The following TSHZ1 variants were observed in gnomAD, a reference collection of about 807,000 sequenced individuals.
The protein encoded by TSHZ1 is teashirt zinc finger homeobox 1.
TSHZ1 carries 12 observed loss-of-function variants against 67.1 expected under a neutral mutation model. That is an observed-to-expected ratio of 0.18 (90% confidence interval 0.11 to 0.29). The LOEUF (loss-of-function observed/expected upper bound fraction) is 0.29. Ranked by LOEUF, TSHZ1 falls within the 10% of genes least tolerant of loss-of-function variation. The pLI, the probability that TSHZ1 is intolerant of heterozygous loss-of-function variation, is 1.00. For missense variants in TSHZ1, 1,305 were observed against 1,413.9 expected (o/e 0.92, Z 1.23); for synonymous variants, 632 against 622.4 (o/e 1.02, Z -0.23).
At chr18:75,239,909 C>G (rs1399240216) in intron 1 of TSHZ1, among the ~76,000 whole-genome samples, 1 of 152,148 alleles carries the variant, frequency 6.6e-6, no homozygotes, top group Non-Finnish European at 1.5e-5. Context: ...TGGGGGCAGC[C>G]CAGCATGCTT....
chr18:75,229,933 G>A lies in TSHZ1; in HGVS notation c.40+18017G>A, dbSNP rs1405848503. ...AAAATACCATCTGGAAAAGTAATCT[G>A]TTCATCATTATACATCTACTTGTGG... On this transcript the variant is annotated intron_variant, in intron 1 of 1. Transcript: ENST00000580243. 2.0e-4 allele frequency among the ~76,000 whole-genome samples: 30 copies of A among 152,196 alleles called. 1 individual carries two copies. The highest frequency in any genetic ancestry group is 2.0e-3 in the Admixed American group (30 of 15,274).
In TSHZ1 at chr18:75,211,004, G is replaced by A. The variant is rs1307609344; in HGVS notation, c.-873G>A. The A allele has an allele frequency of 3.5e-5, 1 of 28,472 alleles. No homozygotes were observed. Among genetic ancestry groups the A allele is most frequent in the Non-Finnish European group, 7.4e-5 (1 of 13,530 alleles). The allele number at this position is 28,472 out of a possible 1,614,324, so 1.8% of individuals were successfully genotyped here. On this transcript the variant is annotated 5_prime_UTR_variant, in exon 1 of 2. Coordinates refer to ENST00000580243, the MANE Select transcript of TSHZ1 (RefSeq NM_001308210.2). ...GTTGTTGCCTTTTTTTTTTCTTGGA[G>A]GGGGGGGTGCTTTTTGTGTATTTTT...
chr18:75,224,594 C>T (rs891649736), intron 1 of TSHZ1, among the ~76,000 whole-genome samples: 8 of 152,108 alleles, frequency 5.3e-5, no homozygotes, highest in African/African-American at 1.9e-4. Context: ...CCCCCCTCCC[C>T]GCAATACTCT....
chr18:75,217,445 GT>G (rs1323422052), intron 1 of TSHZ1, among the ~76,000 whole-genome samples: 2 of 151,904 alleles, frequency 1.3e-5, no homozygotes, highest in African/African-American at 4.8e-5. Flanking sequence ...TCATAGTAGT[GT>G]TTTTGTTTGT....
Position 75,211,567 on chromosome 18 carries a change from C to T in TSHZ1, c.-310C>T, listed in dbSNP as rs1330022223. 7.1e-6 allele frequency: 1 copy of T among 140,972 alleles called. No homozygotes were observed. The highest frequency in any genetic ancestry group is 1.6e-5 in the Non-Finnish European group (1 of 64,198). 8.7% of individuals were successfully genotyped at this position (140,972 alleles called of 1,614,324 possible). ...GCCGCGGGCCGGCCCGCCGAGCGCC[C>T]GCTGCTGCGCCCGCGGCCCGCGCCG... On this transcript the variant is annotated 5_prime_UTR_variant, in exon 1 of 2. Coordinates refer to ENST00000580243, the MANE Select transcript of TSHZ1 (RefSeq NM_001308210.2).
intron 1 of TSHZ1, among the ~76,000 whole-genome samples, chr18:75,223,725 C>T (rs910381669): frequency 1.3e-5 from 2 of 151,948 alleles, no homozygotes; most frequent in Non-Finnish European, 2.9e-5. Context: ...AGGCCTGATT[C>T]TCTGCAGCCC....
chr18:75,285,734 C>G lies in TSHZ1; in HGVS notation c.327C>G (p.Pro109=). 1 of 1,614,118 alleles carries G rather than the reference C, an allele frequency of 6.2e-7. No homozygotes were observed. Among genetic ancestry groups the G allele is most frequent in the Non-Finnish European group, 8.5e-7 (1 of 1,179,988 alleles). ...DPQCPDSVSY[P]QDSLAQIKAV... The stretch of plus-strand genomic sequence containing the variant: ...AGTGTCCCGACAGCGTCTCGTACCC[C>G]CAGGACAGCCTGGCACAGATCAAAG... The change falls in exon 2 of 2, where the codon CCC becomes CCG. Residue 109 remains proline (P), a synonymous_variant. Transcript: ENST00000580243.
intron 1 of TSHZ1, among the ~76,000 whole-genome samples, chr18:75,255,650 A>C (rs1249074051): frequency 6.6e-6 from 1 of 152,266 alleles, no homozygotes; most frequent in Non-Finnish European, 1.5e-5. Context: ...TAGATTGAAC[A>C]TAAATGAAAA....
chr18:75,250,580 G>A (rs939285664), intron 1 of TSHZ1, among the ~76,000 whole-genome samples: 2 of 152,236 alleles, frequency 1.3e-5, no homozygotes, highest in African/African-American at 4.8e-5. Context: ...GGTCGGCTCA[G>A]CCAGTGCCCA....
intron 1 of TSHZ1, among the ~76,000 whole-genome samples, chr18:75,275,719 G>T (rs571715772): frequency 1.3e-5 from 2 of 152,182 alleles, no homozygotes; most frequent in Non-Finnish European, 1.5e-5. Context: ...TTCCCCAGAC[G>T]TGGGGGTAAA....
At chr18:75,229,188 G>C (rs1237359340) in intron 1 of TSHZ1, among the ~76,000 whole-genome samples, 1 of 152,260 alleles carries the variant, frequency 6.6e-6, no homozygotes, top group African/African-American at 2.4e-5. Flanking sequence ...CACCCGACCT[G>C]CCGGCCCTCC....
chr18:75,246,123 C>T (rs1331119806), intron 1 of TSHZ1, among the ~76,000 whole-genome samples: 1 of 152,212 alleles, frequency 6.6e-6, no homozygotes, highest in African/African-American at 2.4e-5. Context: ...CGTTTTGCTT[C>T]TTGAAAGCCA....
At chr18:75,253,802 A>G (rs1351681519) in intron 1 of TSHZ1, among the ~76,000 whole-genome samples, 3 of 152,188 alleles carry the variant, frequency 2.0e-5, no homozygotes, top group Admixed American at 2.0e-4. Flanking sequence ...AATCTTCCTA[A>G]TTTTCTCACA....
At chr18:75,272,825 C>T (rs895993444) in intron 1 of TSHZ1, among the ~76,000 whole-genome samples, 1 of 152,102 alleles carries the variant, frequency 6.6e-6, no homozygotes, top group Non-Finnish European at 1.5e-5. Flanking sequence ...GTATTTCTAC[C>T]TTTCTCCTAT....
At position 75,287,852 on chromosome 18, in the gene TSHZ1, C is replaced by A. The variant is rs267605259; in HGVS notation, c.2445C>A (p.Ser815=). 1 of 1,614,142 alleles carries A rather than the reference C, an allele frequency of 6.2e-7. No individual in the cohort carries two copies. The highest frequency in any genetic ancestry group is 2.2e-5 in the East Asian group (1 of 44,882). The change falls in exon 2 of 2, where the codon TCC becomes TCA. Residue 815 remains serine (S), a synonymous_variant. Transcript: ENST00000580243. This position sits in a 1 kb window ranked among gnomAD's most constrained non-coding sequence, Gnocchi z 5.0. ...ACCAGCCCATTGACTTAACCAAGTC[C>A]AAGAACAAGCCGCTGGTGTCCAGCG... is the stretch of plus-strand genomic sequence containing the variant. ...NSDQPIDLTK[S]KNKPLVSSVA...
intron 1 of TSHZ1, among the ~76,000 whole-genome samples, chr18:75,274,400 G>A (rs2023591955): frequency 6.6e-6 from 1 of 152,150 alleles, no homozygotes; most frequent in Non-Finnish European, 1.5e-5. Context: ...TGGAGAAAAT[G>A]CAGAGGTGGT....
intron 1 of TSHZ1, among the ~76,000 whole-genome samples, chr18:75,273,149 A>G (rs1434333688): frequency 6.6e-6 from 1 of 152,208 alleles, no homozygotes; most frequent in Non-Finnish European, 1.5e-5. Flanking sequence ...CCTTTCTTCT[A>G]TTGTTGCTTC....
chr18:75,266,399 G>T (rs148240249), intron 1 of TSHZ1, among the ~76,000 whole-genome samples: 1 of 152,120 alleles, frequency 6.6e-6, no homozygotes, highest in Non-Finnish European at 1.5e-5. Flanking sequence ...CATTGAGTTC[G>T]TGTGCAGATA....
intron 1 of TSHZ1, among the ~76,000 whole-genome samples, chr18:75,224,437 T>C (rs1183805768): frequency 1.3e-5 from 2 of 152,180 alleles, no homozygotes; most frequent in East Asian, 3.8e-4. Flanking sequence ...GGTCATAAAG[T>C]AAAAGTATAA....
Sources: allele counts gnomAD v4.1 joint callset (sites outside exome capture counted in the v4.1 genomes callset), GRCh38; gene constraint gnomAD v4.1.1; non-coding constraint Gnocchi (gnomAD v3.1); transcripts MANE v1.5; gene names NCBI Gene and HGNC (gene_info 2026-07-23, HGNC 2026-07-21).